The following CDKN2AIPNL variants were observed in gnomAD, a reference collection of about 807,000 sequenced individuals.
CDKN2AIPNL encodes the protein XRN2 binding domain containing 1.
In CDKN2AIPNL, 9 loss-of-function variants were observed where a neutral mutation model predicts 12.9. The observed-to-expected ratio is 0.70, with a 90% CI of 0.42 to 1.22. CDKN2AIPNL has a LOEUF of 1.22. Among genes scored for constraint, CDKN2AIPNL ranks in the 50% most tolerant of loss-of-function variants. The pLI, the probability that CDKN2AIPNL is intolerant of heterozygous loss-of-function variation, is 0.00. For missense variants in CDKN2AIPNL, 143 were observed against 153.6 expected, an observed-to-expected ratio of 0.93 and a Z score of 0.37; for synonymous variants, 53 against 61.7, an observed-to-expected ratio of 0.86 and a Z score of 0.66.
chr5:134,411,795 C>T lies in CDKN2AIPNL; in HGVS notation c.60G>A (p.Ala20=). The T allele has an allele frequency of 1.3e-6, 2 of 1,599,016 alleles. No homozygotes were observed. Among genetic ancestry groups the T allele is most frequent in the South Asian group, 1.1e-5 (1 of 89,190 alleles). ...AGCGGAACTGCTCCGCGAAGTCGGC[C>T]GCCTGCCGCACCCCCGAAACCAGCT... The part of the protein sequence containing the change: ...VEELVSGVRQ[A]ADFAEQFRSY... The change falls in exon 1 of 3, where the codon GCG becomes GCA. Residue 20 remains alanine (A), a synonymous_variant. Transcript: ENST00000458198.
In CDKN2AIPNL at chr5:134,410,085, T is replaced by C. The variant is rs930609183; in HGVS notation, c.240-83A>G. The C allele has an allele frequency of 8.7e-6, 8 of 920,890 alleles. No individual in the cohort carries two copies. In the Admixed American group the frequency reaches 8.8e-5, roughly 10 times the overall value. The allele number at this position is 920,890 out of a possible 1,614,324, so 57.0% of individuals were successfully genotyped here. A position where few individuals can be genotyped will look rare whatever the true frequency, so the allele number is the denominator to read the frequency against. The stretch of plus-strand genomic sequence containing the variant: ...TAAGAAACTGCAGGTTGCTCAACTA[T>C]AAAATCAGCTCTCAGAGAACTGACC... On this transcript the variant is annotated intron_variant, in intron 1 of 2. Coordinates refer to ENST00000458198, the MANE Select transcript of CDKN2AIPNL (RefSeq NM_080656.3).
At chr5:134,408,651 C>G (rs1224312364) in intron 2 of CDKN2AIPNL, among the ~76,000 whole-genome samples, 2 of 152,010 alleles carry the variant, frequency 1.3e-5, no homozygotes, top group Non-Finnish European at 1.5e-5. Context: ...CACCACCTCA[C>G]TCCAGCCTGG....
At chr5:134,407,415 A>T (rs1218881554) in intron 2 of CDKN2AIPNL, among the ~76,000 whole-genome samples, 1 of 152,162 alleles carries the variant, frequency 6.6e-6, no homozygotes, top group Admixed American at 6.6e-5. Context: ...ATGACTGGAA[A>T]GAGTTCAGAT....
At position 134,402,617 on chromosome 5, in the gene CDKN2AIPNL, G is replaced by A. The variant is rs1436205850; in HGVS notation, c.*298C>T. On this transcript the variant is annotated 3_prime_UTR_variant, in exon 3 of 3. Coordinates refer to ENST00000458198, the MANE Select transcript of CDKN2AIPNL (RefSeq NM_080656.3). ...CTGGGCGACAGAGTGAGACCTTGTC[G>A]ATAAGAAAAAAAAAAACCTGAAAAC... 1.5e-5 allele frequency: 4 copies of A among 268,236 alleles called. No homozygotes were observed. Among genetic ancestry groups the A allele is most frequent in the East Asian group, 6.6e-5 (1 of 15,052 alleles). The allele number at this position is 268,236 out of a possible 1,614,324, so 16.6% of individuals were successfully genotyped here.
Position 134,402,675 on chromosome 5 carries a change from CATCTT to C in CDKN2AIPNL, c.*235_*239del, listed in dbSNP as rs1373195469. ...AGGGCTTTTACAATGTTGATGAACT[CATCTT>C]AGAGTGCATGATTTATAAATACATA... On this transcript the variant is annotated 3_prime_UTR_variant, in exon 3 of 3. Coordinates refer to ENST00000458198, the MANE Select transcript of CDKN2AIPNL (RefSeq NM_080656.3). The C allele has an allele frequency of 7.8e-6, 3 of 387,022 alleles. No homozygotes were observed. The highest frequency in any genetic ancestry group is 9.2e-6 in the Non-Finnish European group (2 of 216,988). The allele number at this position is 387,022 out of a possible 1,614,324, so 24.0% of individuals were successfully genotyped here.
At chr5:134,406,056 G>GA (rs911170813) in intron 2 of CDKN2AIPNL, among the ~76,000 whole-genome samples, 6 of 151,798 alleles carry the variant, frequency 4.0e-5, no homozygotes, top group Non-Finnish European at 4.4e-5. Flanking sequence ...CCTTTCAAAA[G>GA]AAAAAAAATC....
chr5:134,403,257 C>A (rs557484935), intron 2 of CDKN2AIPNL, among the ~76,000 whole-genome samples: 1 of 152,322 alleles, frequency 6.6e-6, no homozygotes, highest in Non-Finnish European at 1.5e-5. Context: ...CACACAAACA[C>A]TTATTGTTCT....
intron 2 of CDKN2AIPNL, among the ~76,000 whole-genome samples, chr5:134,407,099 G>A (rs561629365): frequency 3.9e-5 from 6 of 152,206 alleles, no homozygotes; most frequent in Admixed American, 1.3e-4. Context: ...GTAAGATGGC[G>A]GCACTGGTTT....
intron 2 of CDKN2AIPNL, 66 bp from the exon 3 acceptor site, chr5:134,402,992 A>G: frequency 1.5e-6 from 2 of 1,351,686 alleles, no homozygotes; most frequent in Middle Eastern, 1.8e-4. Context: ...TCATCTTCAT[A>G]AATTAAAATA....
At chr5:134,404,775 T>G (rs1362439385) in intron 2 of CDKN2AIPNL, among the ~76,000 whole-genome samples, 1 of 152,196 alleles carries the variant, frequency 6.6e-6, no homozygotes, top group Non-Finnish European at 1.5e-5. Context: ...TTCTAACTTT[T>G]CTTTCAAATT....
chr5:134,411,003 C>T, intron 1 of CDKN2AIPNL: 1 of 701,744 alleles, frequency 1.4e-6, no homozygotes, highest in South Asian at 1.5e-5. Context: ...GGCTTTGAGA[C>T]CTTCACAAAA....
chr5:134,404,178 A>C (rs1295495526), intron 2 of CDKN2AIPNL, among the ~76,000 whole-genome samples: 1 of 152,160 alleles, frequency 6.6e-6, no homozygotes, highest in Admixed American at 6.5e-5. Context: ...ACTGACTCAT[A>C]AGCTCCAGAT....
chr5:134,408,108 G>T (rs1487278278), intron 2 of CDKN2AIPNL, among the ~76,000 whole-genome samples: 1 of 152,130 alleles, frequency 6.6e-6, no homozygotes, highest in Admixed American at 6.5e-5. Context: ...TCCAGCCTGG[G>T]TGACAAAGTG....
At chr5:134,403,941 G>A (rs944246932) in intron 2 of CDKN2AIPNL, among the ~76,000 whole-genome samples, 1 of 152,110 alleles carries the variant, frequency 6.6e-6, no homozygotes, top group African/African-American at 2.4e-5. Flanking sequence ...GTCTTTTTCA[G>A]ATGAAAAAAC....
intron 1 of CDKN2AIPNL, 82 bp downstream of exon 1, chr5:134,411,523 GGGGCAGAGGTT>G (rs1461588621): frequency 2.8e-5 from 31 of 1,116,530 alleles, no homozygotes; most frequent in Non-Finnish European, 4.1e-5. Context: ...GGTTCAGTCT[GGGGCAGAGGTT>G]CGGGTCAGGG....
At chr5:134,411,412 CAGAAG>C (rs1759188558) in intron 1 of CDKN2AIPNL, among the ~76,000 whole-genome samples, 199 bp downstream of exon 1, 1 of 152,160 alleles carries the variant, frequency 6.6e-6, no homozygotes, top group African/African-American at 2.4e-5. Context: ...ACCCTTTTAC[CAGAAG>C]AGAAAACTGA....
chr5:134,403,860 A>C (rs1254575108), intron 2 of CDKN2AIPNL, among the ~76,000 whole-genome samples: 1 of 152,148 alleles, frequency 6.6e-6, no homozygotes, highest in Non-Finnish European at 1.5e-5. Flanking sequence ...TCATGACCTC[A>C]TGATCCACCC....
intron 1 of CDKN2AIPNL, among the ~76,000 whole-genome samples, chr5:134,410,297 G>C (rs1759172444): frequency 6.6e-6 from 1 of 152,102 alleles, no homozygotes; most frequent in Non-Finnish European, 1.5e-5. Flanking sequence ...CACCACGCCT[G>C]GCTAATTTTT....
chr5:134,405,054 G>A (rs1237053330), intron 2 of CDKN2AIPNL, among the ~76,000 whole-genome samples: 1 of 151,942 alleles, frequency 6.6e-6, no homozygotes, highest in Non-Finnish European at 1.5e-5. Flanking sequence ...CAAAGTGCTG[G>A]GATTATAGGC....
Sources: gnomAD v4.1 joint callset for allele counts (sites outside exome capture counted in the v4.1 genomes callset) on GRCh38, gnomAD v4.1.1 for gene constraint, MANE v1.5 for transcripts, NCBI Gene and HGNC (gene_info 2026-07-23, HGNC 2026-07-21) for gene names.